The following HS3ST4 variants were observed in gnomAD, a reference collection of about 807,000 sequenced individuals.
The protein encoded by HS3ST4 is heparan sulfate glucosamine 3-O-sulfotransferase 4.
HS3ST4 carries 17 observed loss-of-function variants against 29.2 expected under a neutral mutation model. The observed-to-expected ratio is 0.58, with a 90% CI of 0.40 to 0.87. The LOEUF is 0.87. Ranked by LOEUF, HS3ST4 falls within the 40% of genes least tolerant of loss-of-function variation. HS3ST4 has a pLI of 0.00. For missense variants in HS3ST4, 627 were observed against 634.5 expected (o/e 0.99, Z 0.13); for synonymous variants, 314 against 285.7 (o/e 1.10, Z -1.00).
At chr16:26,036,112 G>A (rs1969580375) in intron 1 of HS3ST4, among the ~76,000 whole-genome samples, 1 of 152,232 alleles carries the variant, frequency 6.6e-6, no homozygotes, top group South Asian at 2.1e-4. Flanking sequence ...ATTGAGTTTA[G>A]CAAGAGACTG....
intron 1 of HS3ST4, among the ~76,000 whole-genome samples, chr16:25,863,841 C>T (rs764419622): frequency 1.1e-4 from 16 of 152,186 alleles, no homozygotes; most frequent in Non-Finnish European, 1.5e-4. Context: ...CTGCTTAGTC[C>T]GCCAGGGATG....
intron 1 of HS3ST4, among the ~76,000 whole-genome samples, chr16:26,018,203 G>A (rs58209254): frequency 0.04 from 6,075 of 152,256 alleles, 396 homozygotes; most frequent in African/African-American, 0.13. Context: ...ATCCAGCATA[G>A]TGGGGCTGCA....
chr16:25,844,217 C>G (rs1314103400), intron 1 of HS3ST4, among the ~76,000 whole-genome samples: 1 of 152,154 alleles, frequency 6.6e-6, no homozygotes, highest in Non-Finnish European at 1.5e-5. Flanking sequence ...TTTTTAATGC[C>G]TTAGTATCTG....
intron 1 of HS3ST4, among the ~76,000 whole-genome samples, chr16:26,040,829 A>G (rs1969630926): frequency 6.6e-6 from 1 of 152,068 alleles, no homozygotes; most frequent in African/African-American, 2.4e-5. Context: ...TATGCTAAGC[A>G]CTGCCTTAAG....
intron 1 of HS3ST4, among the ~76,000 whole-genome samples, chr16:25,716,750 GATAA>G (rs1966456945): frequency 6.6e-6 from 1 of 152,264 alleles, no homozygotes; most frequent in Admixed American, 6.5e-5. Context: ...ACATTTTACA[GATAA>G]ATAAAGAAGG....
chr16:25,909,065 A>G (rs571300794), intron 1 of HS3ST4, among the ~76,000 whole-genome samples: 2 of 152,344 alleles, frequency 1.3e-5, no homozygotes, highest in African/African-American at 2.4e-5. Flanking sequence ...GGATTTCACA[A>G]TGATGGGGAT....
chr16:25,789,361 C>T (rs538171851), intron 1 of HS3ST4, among the ~76,000 whole-genome samples: 1 of 149,618 alleles, frequency 6.7e-6, no homozygotes, highest in African/African-American at 2.5e-5. Context: ...TCTTTCCTTT[C>T]CCTCTCTCTC....
Position 25,995,105 on chromosome 16 carries a change from G to A in HS3ST4, c.735-140507G>A, listed in dbSNP as rs140434161. Among the ~76,000 whole-genome samples, 562 of 152,282 alleles carry A rather than the reference G, an allele frequency of 3.7e-3. 6 individuals carry two copies. The highest frequency in any genetic ancestry group is 0.013 in the African/African-American group (531 of 41,550). ...GAGAATGTGTCAGGAATCACAGCAG[G>A]TTCTTTTGTGAATTGTACTATTCCT... On this transcript the variant is annotated intron_variant, in intron 1 of 1. Transcript: ENST00000331351.
chr16:25,749,621 A>G (rs1966706739), intron 1 of HS3ST4, among the ~76,000 whole-genome samples: 2 of 152,176 alleles, frequency 1.3e-5, no homozygotes, highest in South Asian at 2.1e-4. Flanking sequence ...TAGTCCTTCT[A>G]TGTGAGTTTG....
intron 1 of HS3ST4, among the ~76,000 whole-genome samples, chr16:26,097,884 C>T (rs1898945234): frequency 6.6e-6 from 1 of 152,100 alleles, no homozygotes. Flanking sequence ...AACAAATTTA[C>T]AAGAAAAAAA....
intron 1 of HS3ST4, among the ~76,000 whole-genome samples, chr16:25,923,653 A>G (rs1968376367): frequency 6.6e-6 from 1 of 152,094 alleles, no homozygotes; most frequent in Non-Finnish European, 1.5e-5. Context: ...TGTGAAAGAG[A>G]GTCTAGAATT....
chr16:25,796,189 C>T (rs1477208882), intron 1 of HS3ST4, among the ~76,000 whole-genome samples: 1 of 152,158 alleles, frequency 6.6e-6, no homozygotes, highest in Non-Finnish European at 1.5e-5. Flanking sequence ...TAACAATTGT[C>T]CCTGCCTATC....
chr16:25,762,615 C>G (rs1966795011), intron 1 of HS3ST4, among the ~76,000 whole-genome samples: 1 of 152,064 alleles, frequency 6.6e-6, no homozygotes. Flanking sequence ...CACCTGCAGT[C>G]CCAGCACTTG....
chr16:26,035,500 G>A (rs902393443), intron 1 of HS3ST4, among the ~76,000 whole-genome samples: 3 of 152,124 alleles, frequency 2.0e-5, no homozygotes, highest in Non-Finnish European at 4.4e-5. Context: ...ACCTCTATTG[G>A]TGAAGTCAAC....
chr16:26,059,882 A>G (rs1253351705), intron 1 of HS3ST4, among the ~76,000 whole-genome samples: 3 of 152,010 alleles, frequency 2.0e-5, no homozygotes, highest in Non-Finnish European at 4.4e-5. Context: ...GGTTCAAGCA[A>G]TTCTCTTGCC....
chr16:25,897,192 C>T (rs4343289), intron 1 of HS3ST4, among the ~76,000 whole-genome samples: 94,993 of 152,020 alleles, frequency 0.62, 29,911 homozygotes, highest in East Asian at 0.77. Flanking sequence ...CAGTAGCTCA[C>T]GTGTGTAATC....
intron 1 of HS3ST4, among the ~76,000 whole-genome samples, chr16:25,944,343 C>T (rs1968604637): frequency 6.6e-6 from 1 of 152,202 alleles, no homozygotes; most frequent in Non-Finnish European, 1.5e-5. Flanking sequence ...AGGAAGTTTT[C>T]TTTGGATTCT....
chr16:25,925,443 A>T (rs761968217), intron 1 of HS3ST4, among the ~76,000 whole-genome samples: 1 of 151,886 alleles, frequency 6.6e-6, no homozygotes, highest in Non-Finnish European at 1.5e-5. Flanking sequence ...TCCCCAGCTC[A>T]CTCCCTGCAC....
rs1260360563 is a variant in HS3ST4 at position 26,022,453 on chromosome 16, C to T, written c.735-113159C>T. On this transcript the variant is annotated intron_variant, in intron 1 of 1. Coordinates refer to ENST00000331351, the MANE Select transcript of HS3ST4 (RefSeq NM_006040.3). ...ATATTCATAATCCCATGCTCTAAAT[C>T]AAGGGCCCACAGTCTTTTTCTATAA... Among the ~76,000 whole-genome samples the T allele has an allele frequency of 2.6e-5, 4 of 152,064 alleles. No individual in the cohort carries two copies. The East Asian group carries it at 7.7e-4, about 29-fold the overall frequency.
Sources: gnomAD v4.1 joint callset for allele counts (sites outside exome capture counted in the v4.1 genomes callset) on GRCh38, gnomAD v4.1.1 for gene constraint, MANE v1.5 for transcripts, NCBI Gene and HGNC (gene_info 2026-07-23, HGNC 2026-07-21) for gene names.